SLC23A1: variants seen among roughly 807,000 people sequenced by gnomAD.
SLC23A1 encodes the protein Na(+)/L-ascorbic acid transporter 1.
A neutral mutation model predicts 62.5 loss-of-function variants in SLC23A1; 31 were observed. The observed-to-expected ratio is 0.50, with a 90% CI of 0.37 to 0.67. SLC23A1 has a LOEUF of 0.67. Ranked by LOEUF, SLC23A1 falls within the 30% of genes least tolerant of loss-of-function variation. The probability of loss-of-function intolerance (pLI) is 0.00; values close to 1 mark genes in which losing one functional copy is unlikely to be tolerated. For missense variants in SLC23A1, 640 were observed against 782.7 expected, an observed-to-expected ratio of 0.82 and a Z score of 2.18; for synonymous variants, 271 against 313.2, an observed-to-expected ratio of 0.87 and a Z score of 1.42.
At chr5:139,385,167 CTCT>C (rs1758465820), upstream of SLC23A1, among the ~76,000 whole-genome samples, 1 of 152,234 alleles carries the variant, frequency 6.6e-6, no homozygotes, top group Admixed American at 6.5e-5. Flanking sequence ...CTGCACATGG[CTCT>C]CGTGCAAAAT....
rs1758122120 is a variant in SLC23A1 at position 139,379,402 on chromosome 5, A to C, written c.926-48T>G. On this transcript the variant is annotated intron_variant, in intron 8 of 14. Transcript: ENST00000348729. The surrounding 1 kb of genome is among the most constrained non-coding windows in gnomAD (Gnocchi z 4.7). ...TGGTGGCTACAGTGAGGAGACTGTG[A>C]TGGTTAGGAATAGACAGGGCAGTGC... is the stretch of plus-strand genomic sequence containing the variant. 1 of 1,582,098 alleles carries C rather than the reference A, an allele frequency of 6.3e-7. No individual in the cohort carries two copies. The highest frequency in any genetic ancestry group is 8.7e-7 in the Non-Finnish European group (1 of 1,151,690).
At position 139,383,206 on chromosome 5, in the gene SLC23A1, A is replaced by G; in HGVS notation, c.36+12T>C. On this transcript the variant is annotated intron_variant, in intron 1 of 14. Transcript: ENST00000348729. ...CCTGCCCCCCCTAGCCCCCACCCCC[A>G]GCCCCCAGCACCTGTGTCCGGCCCT... The G allele has an allele frequency of 4.0e-6, 1 of 251,998 alleles. No homozygotes were observed. The highest frequency in any genetic ancestry group is 5.8e-6 in the Non-Finnish European group (1 of 172,518). The allele number at this position is 251,998 out of a possible 1,614,324, so 15.6% of individuals were successfully genotyped here.
chr5:139,381,021 G>A (rs1200580050), intron 3 of SLC23A1, 135 bp from the exon 4 acceptor site: 4 of 592,800 alleles, frequency 6.7e-6, no homozygotes, highest in South Asian at 4.6e-5. Context: ...GATGGAAATC[G>A]TTGAGGCCCC....
At position 139,367,600 on chromosome 5, in the gene SLC23A1, T is replaced by C. The variant is rs1757340726; in HGVS notation, c.*51A>G. 1 of 152,216 alleles carries C rather than the reference T, an allele frequency of 6.6e-6. No individual in the cohort carries two copies. Among genetic ancestry groups the C allele is most frequent in the Admixed American group, 6.5e-5 (1 of 15,280 alleles). The allele number at this position is 152,216 out of a possible 1,614,324, so 9.4% of individuals were successfully genotyped here. ...GGCTTAGGTCTTCTGGTTCCCCATG[T>C]AGTTTTCTTTTCCTGTTATATACCA... On this transcript the variant is annotated 3_prime_UTR_variant, in exon 15 of 15. Coordinates refer to ENST00000348729, the MANE Select transcript of SLC23A1 (RefSeq NM_005847.5).
At chr5:139,369,594 C>T (rs1433041659) in intron 14 of SLC23A1, 1 of 152,488 alleles carries the variant, frequency 6.6e-6, no homozygotes, top group Non-Finnish European at 1.5e-5. Context: ...GCTTCTTAAA[C>T]TTCATATTTG....
chr5:139,382,275 C>T (rs911803175), intron 2 of SLC23A1: 5 of 603,284 alleles, frequency 8.3e-6, no homozygotes, highest in Non-Finnish European at 1.5e-5. Flanking sequence ...GGCTCTGCTC[C>T]CTGTCACCAA....
At position 139,380,038 on chromosome 5, in the gene SLC23A1, C is replaced by T. The variant is rs1426303716; in HGVS notation, c.686G>A (p.Arg229His). 11 of 1,613,488 alleles carry T rather than the reference C, an allele frequency of 6.8e-6. No individual in the cohort carries two copies. The highest frequency in any genetic ancestry group is 7.6e-6 in the Non-Finnish European group (9 of 1,179,868). ...LLIILFSQYL[R>H]NLTFLLPVYR... is the part of the protein sequence containing the mutation. ...GACAGGCAGCAGGAAGGTGAGGTTG[C>T]GCAGGTACTGGGAGAAGAGGATGAT... The change falls in exon 7 of 15, where the codon CGC becomes CAC. Residue 229 changes from arginine to histidine, a missense_variant. Arg to His is a conservative substitution (Grantham distance 29). Transcript: ENST00000348729.
At chr5:139,371,872 G>A in intron 14 of SLC23A1, 115 bp downstream of exon 14, 1 of 797,220 alleles carries the variant, frequency 1.3e-6, no homozygotes, top group Non-Finnish European at 2.0e-6. Flanking sequence ...TTCTCTTTGA[G>A]GACATTCAAA....
intron 3 of SLC23A1, among the ~76,000 whole-genome samples, chr5:139,381,608 C>T (rs1267490488): frequency 7.9e-6 from 1 of 127,334 alleles, no homozygotes; most frequent in Non-Finnish European, 1.6e-5. Flanking sequence ...AGCAAAACTC[C>T]GTCTCCAAAA....
rs1758080907 is a variant in SLC23A1 at position 139,378,768 on chromosome 5, C to A, written c.1074-84G>T. The A allele has an allele frequency of 9.4e-7, 1 of 1,058,684 alleles. No individual in the cohort carries two copies. Among genetic ancestry groups the A allele is most frequent in the Admixed American group, 2.0e-5 (1 of 49,794 alleles). 65.6% of individuals were successfully genotyped at this position (1,058,684 alleles called of 1,614,324 possible). A position where few individuals can be genotyped will look rare whatever the true frequency, so the allele number is the denominator to read the frequency against. On this transcript the variant is annotated intron_variant, in intron 9 of 14. Coordinates refer to ENST00000348729, the MANE Select transcript of SLC23A1 (RefSeq NM_005847.5). This position sits in a 1 kb window ranked among gnomAD's most constrained non-coding sequence, Gnocchi z 4.5. ...CATCATCTTAGCAAGCTGCCGTCCT[C>A]TGGGGCTGTGGGGGCTGCAGCTATC...
chr5:139,368,805 G>T (rs372517123), intron 14 of SLC23A1: 1 of 1,603,020 alleles, frequency 6.2e-7, no homozygotes, highest in Non-Finnish European at 8.5e-7. Context: ...TTGAGTAGAC[G>T]GGGCCCTCTT....
At chr5:139,383,496 G>A (rs770773712), upstream of SLC23A1, 4 of 594,214 alleles carry the variant, frequency 6.7e-6, no homozygotes, top group Non-Finnish European at 6.3e-6. Context: ...GCGCCTGGGC[G>A]CTGGACCTGT....
chr5:139,379,922 T>C lies in SLC23A1; in HGVS notation c.768+34A>G. 2 of 1,614,088 alleles carry C rather than the reference T, an allele frequency of 1.2e-6. No individual in the cohort carries two copies. Among genetic ancestry groups the C allele is most frequent in the Non-Finnish European group, 1.7e-6 (2 of 1,179,986 alleles). ...CCCACCTCAGCCCAAGCCCTGGCCA[T>C]AGTCCCAGCCCCAGCCGCCTGCCAG... On this transcript the variant is annotated intron_variant, in intron 7 of 14. Transcript: ENST00000348729. This position sits in a 1 kb window ranked among gnomAD's most constrained non-coding sequence, Gnocchi z 4.7.
chr5:139,381,102 C>A (rs987509208), intron 3 of SLC23A1, among the ~76,000 whole-genome samples: 1 of 152,224 alleles, frequency 6.6e-6, no homozygotes, highest in Non-Finnish European at 1.5e-5. Context: ...TCAAAACCTG[C>A]CCCCTTCCCA....
At chr5:139,368,621 T>C (rs1201244543) in intron 14 of SLC23A1, 2 of 726,204 alleles carry the variant, frequency 2.8e-6, no homozygotes, top group Non-Finnish European at 2.4e-6. Context: ...TCTTACAGAC[T>C]GAGTTCTTTT....
intron 13 of SLC23A1, among the ~76,000 whole-genome samples, chr5:139,373,562 G>A (rs534943341): frequency 4.6e-5 from 7 of 151,612 alleles, no homozygotes; most frequent in Admixed American, 4.6e-4. Flanking sequence ...GGCTGGGATC[G>A]ACAAAGACTG....
Position 139,378,769 on chromosome 5 carries a change from T to TGGGGCTGTG in SLC23A1, c.1074-94_1074-86dup, listed in dbSNP as rs1758081182. The TGGGGCTGTG allele has an allele frequency of 2.0e-6, 2 of 993,736 alleles. No individual in the cohort carries two copies. The highest frequency in any genetic ancestry group is 5.2e-5 in the East Asian group (2 of 38,450). The allele number at this position is 993,736 out of a possible 1,614,324, so 61.6% of individuals were successfully genotyped here. On this transcript the variant is annotated intron_variant, in intron 9 of 14. Coordinates refer to ENST00000348729, the MANE Select transcript of SLC23A1 (RefSeq NM_005847.5). This position sits in a 1 kb window ranked among gnomAD's most constrained non-coding sequence, Gnocchi z 4.5. ...ATCATCTTAGCAAGCTGCCGTCCTCTGGGGCTGTGGGGGCTGCAGCTATCA... is the reference window on the plus strand; with the variant it reads ...ATCATCTTAGCAAGCTGCCGTCCTCTGGGGCTGTGGGGGCTGTGGGGGCTGCAGCTATCA...
chr5:139,367,807 A>T (rs946425766), intron 14 of SLC23A1, among the ~76,000 whole-genome samples, 176 bp from the exon 15 acceptor site: 2 of 152,224 alleles, frequency 1.3e-5, no homozygotes, highest in Admixed American at 1.3e-4. Context: ...CGATTAACAG[A>T]ATTCCTTGTT....
At chr5:139,372,376 T>TA (rs1454143899) in intron 13 of SLC23A1, 123 bp from the exon 14 acceptor site, 2 of 930,144 alleles carry the variant, frequency 2.2e-6, no homozygotes, top group Non-Finnish European at 3.2e-6. Context: ...CATTTGGTCC[T>TA]AAAACGTGGC....
Sources: gnomAD v4.1 joint callset for allele counts (sites outside exome capture counted in the v4.1 genomes callset) on GRCh38, gnomAD v4.1.1 for gene constraint, Gnocchi (gnomAD v3.1) non-coding constraint, MANE v1.5 for transcripts, NCBI Gene and HGNC (gene_info 2026-07-23, HGNC 2026-07-21) for gene names.